The following BLTP3A variants were observed in gnomAD, a reference collection of about 807,000 sequenced individuals.
BLTP3A encodes bridge-like lipid transfer protein family member 3A, also known as ICBP90 binding protein 1.
chr6:34,853,664 G>A, the BLTP3A span, among the ~76,000 whole-genome samples: 1 of 151,988 alleles, frequency 6.6e-6, no homozygotes, highest in Non-Finnish European at 1.5e-5. Context: ...GGGTTCAAGG[G>A]ATTCTCCTAC....
the BLTP3A span, chr6:34,836,441 T>C: frequency 1.6e-6 from 2 of 1,258,054 alleles, no homozygotes; most frequent in Admixed American, 4.3e-5. Flanking sequence ...TCAGAAGACA[T>C]TGTGGAGTAC....
At chr6:34,865,914 T>C in the BLTP3A span, among the ~76,000 whole-genome samples, 1 of 152,224 alleles carries the variant, frequency 6.6e-6, no homozygotes, top group African/African-American at 2.4e-5. Flanking sequence ...GCTTTGAAAT[T>C]AAGAACTCAT....
At chr6:34,804,749 G>A in the BLTP3A span, among the ~76,000 whole-genome samples, 2 of 152,062 alleles carry the variant, frequency 1.3e-5, no homozygotes, top group African/African-American at 4.8e-5. Flanking sequence ...CCTTTGATCT[G>A]AGGCAACTGA....
chr6:34,837,370 G>T, the BLTP3A span, among the ~76,000 whole-genome samples: 1 of 151,586 alleles, frequency 6.6e-6, no homozygotes, highest in Admixed American at 6.6e-5. Context: ...GGCGAAACCC[G>T]TCTCTACAAA....
the BLTP3A span, among the ~76,000 whole-genome samples, chr6:34,843,173 G>GA: frequency 1.3e-5 from 2 of 151,970 alleles, no homozygotes; most frequent in Admixed American, 1.3e-4. Context: ...TTGTAGAGAT[G>GA]AGGTCTCGCT....
At chr6:34,816,983 T>A in the BLTP3A span, among the ~76,000 whole-genome samples, 1 of 152,220 alleles carries the variant, frequency 6.6e-6, no homozygotes, top group African/African-American at 2.4e-5. Context: ...GAAATAATTA[T>A]AATATTTTAT....
chr6:34,818,677 C>A, the BLTP3A span, among the ~76,000 whole-genome samples: 2 of 152,160 alleles, frequency 1.3e-5, no homozygotes, highest in African/African-American at 4.8e-5. Flanking sequence ...TTCCTGTCGA[C>A]CCCTCCCCTT....
At chr6:34,854,925 C>T in the BLTP3A span, among the ~76,000 whole-genome samples, 203 of 152,284 alleles carry the variant, frequency 1.3e-3, no homozygotes, top group Non-Finnish European at 2.4e-3. Context: ...ATACTTTCTA[C>T]TTTTACAGTT....
At chr6:34,849,702 G>A in the BLTP3A span, among the ~76,000 whole-genome samples, 8 of 151,940 alleles carry the variant, frequency 5.3e-5, no homozygotes, top group Non-Finnish European at 5.9e-5. Flanking sequence ...GCTCGTTAAC[G>A]TCCTTTTCTT....
the BLTP3A span, among the ~76,000 whole-genome samples, chr6:34,817,403 C>A: frequency 6.6e-6 from 1 of 152,146 alleles, no homozygotes; most frequent in African/African-American, 2.4e-5. Flanking sequence ...GAATTAAAAT[C>A]AGTAAAAGTA....
At chr6:34,808,314 C>T in the BLTP3A span, among the ~76,000 whole-genome samples, 1 of 134,884 alleles carries the variant, frequency 7.4e-6, no homozygotes, top group Non-Finnish European at 1.5e-5. Flanking sequence ...CCGTTGCACT[C>T]CAGCCTGGGC....
the BLTP3A span, chr6:34,857,658 A>G: frequency 1.3e-6 from 2 of 1,510,376 alleles, no homozygotes; most frequent in Non-Finnish European, 1.8e-6. Flanking sequence ...TATAGTTAAT[A>G]TTAGGTAGTA....
the BLTP3A span, among the ~76,000 whole-genome samples, chr6:34,827,558 G>T: frequency 6.6e-6 from 1 of 152,168 alleles, no homozygotes; most frequent in Non-Finnish European, 1.5e-5. Flanking sequence ...CAGTATCGGG[G>T]TGTGTATGTG....
At chr6:34,836,468 T>C in the BLTP3A span, 1 of 917,246 alleles carries the variant, frequency 1.1e-6, no homozygotes, top group Non-Finnish European at 1.6e-6. Flanking sequence ...TGGCTTCCCT[T>C]AATCACAGGC....
chr6:34,832,532 C>G, the BLTP3A span, among the ~76,000 whole-genome samples: 1 of 151,722 alleles, frequency 6.6e-6, no homozygotes, highest in Admixed American at 6.6e-5. Flanking sequence ...ATCTCCTGGG[C>G]TCAAGCGATC....
At chr6:34,867,959 A>G in the BLTP3A span, among the ~76,000 whole-genome samples, 1 of 152,154 alleles carries the variant, frequency 6.6e-6, no homozygotes, top group African/African-American at 2.4e-5. Context: ...TTTGATGTGA[A>G]TTTTCATTTA....
At chr6:34,839,748 G>A in the BLTP3A span, among the ~76,000 whole-genome samples, 3 of 152,194 alleles carry the variant, frequency 2.0e-5, no homozygotes, top group African/African-American at 7.2e-5. Context: ...CCGGGTGCTC[G>A]CATGCATAAA....
chr6:34,871,682 C>T, the BLTP3A span: 1 of 1,614,182 alleles, frequency 6.2e-7, no homozygotes, highest in Admixed American at 1.7e-5. Context: ...ATGGTGTGTT[C>T]CACATAGGCG....
the BLTP3A span, chr6:34,857,944 C>T: frequency 6.2e-7 from 1 of 1,602,454 alleles, no homozygotes; most frequent in Non-Finnish European, 8.5e-7. Flanking sequence ...ACTTTTATCC[C>T]CTGTTAGTAG....
Sources: allele counts gnomAD v4.1 joint callset (sites outside exome capture counted in the v4.1 genomes callset), GRCh38; gene constraint gnomAD v4.1.1; transcripts MANE v1.5; gene names NCBI Gene and HGNC (gene_info 2026-07-23, HGNC 2026-07-21).